Variants in INSYN2B observed in about 807,000 individuals in gnomAD.
INSYN2B encodes the protein protein INSYN2B.
INSYN2B carries 16 observed loss-of-function variants against 41.2 expected under a neutral mutation model. The ratio of observed to expected loss-of-function variants is 0.39; its 90% CI spans 0.26 to 0.59. The LOEUF is 0.59. Ranked by LOEUF, INSYN2B falls within the 20% of genes least tolerant of loss-of-function variation. The pLI is 0.57. For missense variants in INSYN2B, 608 were observed against 646.4 expected, an observed-to-expected ratio of 0.94 and a Z score of 0.64; for synonymous variants, 245 against 244.4, an observed-to-expected ratio of 1.00 and a Z score of -0.02.
At chr5:169,949,994 G>A (rs377385026) in intron 1 of INSYN2B, among the ~76,000 whole-genome samples, 12 of 152,094 alleles carry the variant, frequency 7.9e-5, no homozygotes, top group African/African-American at 2.9e-4. Flanking sequence ...ACACAACCTC[G>A]CAATGAAGGA....
chr5:169,876,157 C>T (rs1772321829), intron 3 of INSYN2B, among the ~76,000 whole-genome samples: 1 of 152,178 alleles, frequency 6.6e-6, no homozygotes, highest in African/African-American at 2.4e-5. Context: ...GATCCTCTGG[C>T]CTCCCTCTTT....
intron 1 of INSYN2B, among the ~76,000 whole-genome samples, chr5:169,902,598 G>A (rs1029977886): frequency 5.9e-5 from 9 of 152,192 alleles, no homozygotes; most frequent in Non-Finnish European, 2.9e-5. Context: ...ACTGCACCCC[G>A]CTGAGGCTCC....
chr5:169,935,736 G>A (rs1775961593), intron 1 of INSYN2B, among the ~76,000 whole-genome samples: 1 of 152,142 alleles, frequency 6.6e-6, no homozygotes, highest in Middle Eastern at 3.2e-3. Context: ...CTTAAAACTT[G>A]TCAAGTTGTG....
intron 3 of INSYN2B, among the ~76,000 whole-genome samples, chr5:169,868,517 G>A (rs1325620534): frequency 6.6e-6 from 1 of 152,148 alleles, no homozygotes; most frequent in Non-Finnish European, 1.5e-5. Context: ...CCAGCACTTC[G>A]AAAGACCCAG....
Position 169,955,579 on chromosome 5 carries a change from G to T in INSYN2B, c.-919+24698C>A, listed in dbSNP as rs145570567. ...TGATGCAAAATTTCAGTATGACCTT[G>T]TTGGTTCTTTCCACCTGGTCCTTAA... On this transcript the variant is annotated intron_variant, in intron 1 of 3. Coordinates refer to ENST00000377365, the MANE Select transcript of INSYN2B (RefSeq NM_001129891.3). Among the ~76,000 whole-genome samples the T allele has an allele frequency of 3.9e-5, 6 of 152,308 alleles. No homozygotes were observed. The East Asian group carries it at 9.6e-4, about 24-fold the overall frequency.
chr5:169,880,300 G>A (rs1264208417), intron 3 of INSYN2B, among the ~76,000 whole-genome samples: 2 of 152,250 alleles, frequency 1.3e-5, no homozygotes, highest in Admixed American at 1.3e-4. Context: ...CCCTGCCTAA[G>A]TGCAAGCACC....
chr5:169,867,505 A>T (rs1412334611), intron 3 of INSYN2B, among the ~76,000 whole-genome samples: 2 of 151,674 alleles, frequency 1.3e-5, no homozygotes, highest in African/African-American at 4.9e-5. Flanking sequence ...ATCATCTATT[A>T]TCTATTTATC....
chr5:169,889,942 C>T (rs1561798936), intron 1 of INSYN2B, among the ~76,000 whole-genome samples: 1 of 152,348 alleles, frequency 6.6e-6, no homozygotes, highest in East Asian at 1.9e-4. Context: ...CGTGTCCCTT[C>T]TCTGAACTTA....
In INSYN2B at chr5:169,862,488, T is replaced by A. The variant is rs546500773; in HGVS notation, c.*1785A>T. On this transcript the variant is annotated 3_prime_UTR_variant, in exon 4 of 4. Transcript: ENST00000377365. ...TTCCATTGCTGGGGCCAACTGACAG[T>A]TGATCGTATGGATACAGGAAAAAAA... Among the ~76,000 whole-genome samples the A allele has an allele frequency of 6.6e-6, 1 of 151,912 alleles. No homozygotes were observed. Among genetic ancestry groups the A allele is most frequent in the Admixed American group, 6.6e-5 (1 of 15,260 alleles).
intron 1 of INSYN2B, among the ~76,000 whole-genome samples, chr5:169,939,851 A>G (rs1172786240): frequency 1.3e-5 from 2 of 152,250 alleles, no homozygotes; most frequent in African/African-American, 4.8e-5. Flanking sequence ...CAGGCACTGA[A>G]TAAGGTACTT....
At chr5:169,867,407 CTCTGTCTGTCTGTCTG>C (rs56110833) in intron 3 of INSYN2B, among the ~76,000 whole-genome samples, 3 of 149,076 alleles carry the variant, frequency 2.0e-5, no homozygotes, top group Non-Finnish European at 4.5e-5. Flanking sequence ...GTGAAAACCT[CTCTGTCTGTCTGTCTG>C]TCTGTCTGTC....
chr5:169,956,039 G>GAA lies in INSYN2B; in HGVS notation c.-919+24236_-919+24237dup, dbSNP rs577395351. Among the ~76,000 whole-genome samples the GAA allele has an allele frequency of 3.0e-5, 4 of 132,898 alleles. No individual in the cohort carries two copies. In the South Asian group the frequency reaches 7.3e-4, roughly 24 times the overall value. The allele number at this position is 132,898 out of a possible 152,430, so 87.2% of individuals were successfully genotyped here. On this transcript the variant is annotated intron_variant, in intron 1 of 3. Coordinates refer to ENST00000377365, the MANE Select transcript of INSYN2B (RefSeq NM_001129891.3). ...TCAAATGTGGGGGAGACATAGATTT[G>GAA]AAAAAAAAAAAAAAGAGCCCAGGCT...
chr5:169,874,311 G>A lies in INSYN2B; in HGVS notation c.1421+7057C>T, dbSNP rs560552104. Reference sequence around the variant, plus strand: ...ACCTATAATCCCAGCTACTCAGGAGGCTGAGGCAGAAAAATCGCTTAAACC... The same window carrying A: ...ACCTATAATCCCAGCTACTCAGGAGACTGAGGCAGAAAAATCGCTTAAACC... On this transcript the variant is annotated intron_variant, in intron 3 of 3. Transcript: ENST00000377365. Among the ~76,000 whole-genome samples, 32 of 151,348 alleles carry A rather than the reference G, an allele frequency of 2.1e-4. No individual in the cohort carries two copies. In the East Asian group the frequency reaches 6.0e-3, roughly 29 times the overall value.
chr5:169,887,150 A>G (rs1773019157), intron 1 of INSYN2B, among the ~76,000 whole-genome samples: 1 of 152,118 alleles, frequency 6.6e-6, no homozygotes, highest in South Asian at 2.1e-4. Context: ...GGAAAGATTA[A>G]TATTTTTGTG....
At position 169,883,439 on chromosome 5, in the gene INSYN2B, C is replaced by T. The variant is rs754722504; in HGVS notation, c.460G>A (p.Ala154Thr). 2 of 1,551,672 alleles carry T rather than the reference C, an allele frequency of 1.3e-6. No homozygotes were observed. Among genetic ancestry groups the T allele is most frequent in the South Asian group, 1.2e-5 (1 of 84,060 alleles). ...CGAGGCCCATCCTCAAGATGCTGAG[C>T]CAACCTTAAGTAGGCAAGGTCAGAA... is the stretch of plus-strand genomic sequence containing the variant. ...VSSDLAYLRL[A>T]QHLEDGPRRV... is the part of the protein sequence containing the mutation. The change falls in exon 2 of 4, where the codon GCT becomes ACT. Residue 154 changes from alanine to threonine, a missense_variant. Coordinates refer to ENST00000377365, the MANE Select transcript of INSYN2B (RefSeq NM_001129891.3).
chr5:169,937,381 C>T (rs1420012203), intron 1 of INSYN2B, among the ~76,000 whole-genome samples: 1 of 152,226 alleles, frequency 6.6e-6, no homozygotes, highest in Non-Finnish European at 1.5e-5. Context: ...ATACTTCCCA[C>T]ATCCCTGGCC....
At chr5:169,900,732 A>G (rs1032488606) in intron 1 of INSYN2B, among the ~76,000 whole-genome samples, 1 of 152,158 alleles carries the variant, frequency 6.6e-6, no homozygotes, top group Non-Finnish European at 1.5e-5. Context: ...GTTGCCCACT[A>G]TCTTTCAATA....
intron 1 of INSYN2B, among the ~76,000 whole-genome samples, chr5:169,976,708 G>A (rs1188682147): frequency 1.3e-5 from 2 of 152,280 alleles, no homozygotes; most frequent in African/African-American, 2.4e-5. Flanking sequence ...GCCCCTCTTC[G>A]AGCCTTGATT....
At chr5:169,877,628 A>G (rs1772405394) in intron 3 of INSYN2B, among the ~76,000 whole-genome samples, 1 of 152,150 alleles carries the variant, frequency 6.6e-6, no homozygotes, top group African/African-American at 2.4e-5. Context: ...TGAAGTGGAA[A>G]TGTCTGCATG....
Sources: allele counts gnomAD v4.1 joint callset (sites outside exome capture counted in the v4.1 genomes callset), GRCh38; gene constraint gnomAD v4.1.1; transcripts MANE v1.5; gene names NCBI Gene and HGNC (gene_info 2026-07-23, HGNC 2026-07-21).